BRINP1: variants seen among roughly 807,000 people sequenced by gnomAD.
BRINP1 encodes BMP/retinoic acid-inducible neural-specific protein 1.
Under a neutral mutation model 72.9 loss-of-function variants are expected in BRINP1, and 17 were observed. The observed-to-expected ratio is 0.23, with a 90% CI of 0.16 to 0.35. The LOEUF is 0.35. BRINP1 is among the 10% of genes least tolerant of loss of function. The pLI, the probability that BRINP1 is intolerant of heterozygous loss-of-function variation, is 1.00. For synonymous variants in BRINP1, 418 were observed against 378.5 expected (o/e 1.10, Z -1.21); for missense variants, 850 against 1,001.6 (o/e 0.85, Z 2.04).
At chr9:119,275,674 C>A (rs1830649861) in intron 2 of BRINP1, among the ~76,000 whole-genome samples, 2 of 152,308 alleles carry the variant, frequency 1.3e-5, no homozygotes, top group South Asian at 4.1e-4. Context: ...AGGAGAAAAT[C>A]TCCAGTAATA....
At chr9:119,193,868 G>A (rs767166582) in intron 7 of BRINP1, among the ~76,000 whole-genome samples, 22 of 152,286 alleles carry the variant, frequency 1.4e-4, no homozygotes, top group Non-Finnish European at 2.8e-4. Context: ...GACCAATGTA[G>A]TAAGCCAGAA....
At chr9:119,225,688 C>T (rs1441969744) in intron 5 of BRINP1, among the ~76,000 whole-genome samples, 2 of 151,624 alleles carry the variant, frequency 1.3e-5, no homozygotes, top group Non-Finnish European at 1.5e-5. Flanking sequence ...TCTATAGAGG[C>T]AGAAAGCAGA....
At chr9:119,366,463 T>G (rs1178092895) in intron 1 of BRINP1, among the ~76,000 whole-genome samples, 1 of 151,254 alleles carries the variant, frequency 6.6e-6, no homozygotes, top group Non-Finnish European at 1.5e-5. Flanking sequence ...AAGGAATCTA[T>G]GTTCTCTCTC....
At chr9:119,356,976 G>A (rs559618374) in intron 1 of BRINP1, among the ~76,000 whole-genome samples, 2 of 152,186 alleles carry the variant, frequency 1.3e-5, no homozygotes, top group South Asian at 2.1e-4. Flanking sequence ...TGATAGCATC[G>A]CATTGCTATT....
chr9:119,192,865 A>C (rs1024006593), intron 7 of BRINP1, among the ~76,000 whole-genome samples: 8 of 152,130 alleles, frequency 5.3e-5, no homozygotes, highest in African/African-American at 1.9e-4. Flanking sequence ...TCAACAAATA[A>C]ATGTATAAAG....
intron 2 of BRINP1, among the ~76,000 whole-genome samples, chr9:119,250,206 A>C (rs376467207): frequency 6.6e-6 from 1 of 152,158 alleles, no homozygotes; most frequent in East Asian, 1.9e-4. Context: ...GCACAAAGCA[A>C]CCTGAGGACT....
chr9:119,207,218 A>G (rs1016797306), intron 7 of BRINP1, among the ~76,000 whole-genome samples: 5 of 152,166 alleles, frequency 3.3e-5, no homozygotes, highest in Non-Finnish European at 5.9e-5. Flanking sequence ...AAAACGAGAG[A>G]AAAAAGGGTG....
chr9:119,272,799 C>T (rs1310355368), intron 2 of BRINP1, among the ~76,000 whole-genome samples: 13 of 152,204 alleles, frequency 8.5e-5, no homozygotes, highest in Admixed American at 7.9e-4. Flanking sequence ...TTTTCCCGTA[C>T]TAGCTCTCTC....
At chr9:119,176,172 C>T (rs1829486778) in intron 7 of BRINP1, among the ~76,000 whole-genome samples, 1 of 152,148 alleles carries the variant, frequency 6.6e-6, no homozygotes, top group East Asian at 1.9e-4. Flanking sequence ...AAGGACTGCT[C>T]AGAGTCAAAC....
At chr9:119,264,960 C>A (rs550985812) in intron 2 of BRINP1, among the ~76,000 whole-genome samples, 1 of 152,158 alleles carries the variant, frequency 6.6e-6, no homozygotes, top group African/African-American at 2.4e-5. Context: ...CGTGAGCCAC[C>A]GCACCCAGCC....
intron 2 of BRINP1, among the ~76,000 whole-genome samples, chr9:119,279,091 A>G (rs1830684172): frequency 2.0e-5 from 3 of 152,244 alleles, no homozygotes; most frequent in African/African-American, 4.8e-5. Flanking sequence ...TACAGAGCCA[A>G]GTTGAGAACT....
At chr9:119,179,708 G>A (rs1420925042) in intron 7 of BRINP1, among the ~76,000 whole-genome samples, 1 of 152,126 alleles carries the variant, frequency 6.6e-6, no homozygotes, top group East Asian at 1.9e-4. Context: ...GACTCACCTT[G>A]GTCACACAGC....
At chr9:119,227,531 C>T (rs974048105) in intron 5 of BRINP1, among the ~76,000 whole-genome samples, 2 of 152,056 alleles carry the variant, frequency 1.3e-5, no homozygotes, top group African/African-American at 4.8e-5. Flanking sequence ...AAAGGCACTG[C>T]TCTTTCATTG....
At chr9:119,351,804 CT>C (rs1292402337) in intron 1 of BRINP1, among the ~76,000 whole-genome samples, 1 of 147,230 alleles carries the variant, frequency 6.8e-6, no homozygotes, top group Non-Finnish European at 1.5e-5. Flanking sequence ...GCTTTTTTCT[CT>C]TTTTATTTTT....
intron 1 of BRINP1, among the ~76,000 whole-genome samples, chr9:119,344,681 C>T (rs1436762541): frequency 6.6e-6 from 1 of 152,186 alleles, no homozygotes. Flanking sequence ...GGTTATGAAC[C>T]TACCTCCACT....
chr9:119,328,720 T>A (rs1831263849), intron 1 of BRINP1, among the ~76,000 whole-genome samples: 1 of 152,058 alleles, frequency 6.6e-6, no homozygotes, highest in Non-Finnish European at 1.5e-5. Context: ...ACCTGAACAA[T>A]GTTGTTGGAG....
intron 7 of BRINP1, 115 bp from the exon 8 acceptor site, chr9:119,168,339 G>C (rs1829346445): frequency 1.3e-6 from 1 of 790,154 alleles, no homozygotes; most frequent in Non-Finnish European, 1.9e-6. Flanking sequence ...GGACTGGATG[G>C]AGCAGTGACA....
rs3983901 is a variant in BRINP1, at chr9:119,366,503, CGTGTGTGTGTGTGTGTGTGTGTGT to C, written c.-51+2529_-51+2552del. On this transcript the variant is annotated intron_variant, in intron 1 of 7. Coordinates refer to ENST00000265922, the MANE Select transcript of BRINP1 (RefSeq NM_014618.3). ...TCTCTCTCAGTCCTCCCCCCACCAC[CGTGTGTGTGTGTGTGTGTGTGTGT>C]GTGTGTGTGTGTGTGTGTGTGTGTG... Among the ~76,000 whole-genome samples the C allele has an allele frequency of 9.2e-4, 125 of 136,308 alleles. 2 individuals carry two copies. The South Asian group carries it at 9.5e-3, about 10-fold the overall frequency. 89.4% of individuals were successfully genotyped at this position (136,308 alleles called of 152,430 possible).
chr9:119,207,110 A>G (rs1019773359), intron 7 of BRINP1, among the ~76,000 whole-genome samples: 1 of 152,216 alleles, frequency 6.6e-6, no homozygotes, highest in Admixed American at 6.5e-5. Context: ...AAAGGATTTT[A>G]GATTAGTGGG....
Sources: allele counts gnomAD v4.1 joint callset (sites outside exome capture counted in the v4.1 genomes callset), GRCh38; gene constraint gnomAD v4.1.1; transcripts MANE v1.5; gene names NCBI Gene and HGNC (gene_info 2026-07-23, HGNC 2026-07-21).